Variants in SLC29A3 observed in about 807,000 individuals in gnomAD.
The protein encoded by SLC29A3 is equilibrative nucleoside transporter 3.
SLC29A3 carries 18 observed loss-of-function variants against 25.4 expected under a neutral mutation model. That is an observed-to-expected ratio of 0.71 (90% CI 0.49 to 1.05). The LOEUF is 1.05. Among genes scored for constraint, SLC29A3 ranks in the 50% least tolerant of loss-of-function variants. The pLI, the probability that SLC29A3 is intolerant of heterozygous loss-of-function variation, is 0.00. For synonymous variants in SLC29A3, 258 were observed against 267.1 expected, an observed-to-expected ratio of 0.97 and a Z score of 0.33; for missense variants, 586 against 609.0, an observed-to-expected ratio of 0.96 and a Z score of 0.40.
intron 1 of SLC29A3, 140 bp downstream of exon 1, chr10:71,319,450 C>G: frequency 2.2e-6 from 1 of 461,172 alleles, no homozygotes; most frequent in Non-Finnish European, 3.8e-6. Context: ...TCCGTGGTCC[C>G]TTCCCCACCG....
chr10:71,364,908 C>G (rs796134344), downstream of SLC29A3: 3 of 152,350 alleles, frequency 2.0e-5, 1 homozygote, highest in African/African-American at 7.2e-5. Context: ...TAGCTGGTGA[C>G]TCATCTCAAC....
chr10:71,330,266 A>G (rs531142438), intron 2 of SLC29A3, among the ~76,000 whole-genome samples: 3 of 152,312 alleles, frequency 2.0e-5, no homozygotes, highest in Non-Finnish European at 2.9e-5. Context: ...GATAGGGCCA[A>G]CTGGGCTCAA....
chr10:71,368,970 A>G (rs1208124295), intron 3 of SLC29A3, among the ~76,000 whole-genome samples: 9 of 152,172 alleles, frequency 5.9e-5, no homozygotes, highest in Non-Finnish European at 1.3e-4. Flanking sequence ...CCCCAAATTC[A>G]CATGTTCCAA....
At chr10:71,320,695 G>T (rs924714362) in intron 1 of SLC29A3, among the ~76,000 whole-genome samples, 1 of 152,208 alleles carries the variant, frequency 6.6e-6, no homozygotes, top group Admixed American at 6.5e-5. Context: ...TTGCACTTGG[G>T]CATCCAGTGG....
At chr10:71,353,928 A>AAG (rs545895361) in intron 4 of SLC29A3, among the ~76,000 whole-genome samples, 3 of 152,136 alleles carry the variant, frequency 2.0e-5, no homozygotes, top group Non-Finnish European at 2.9e-5. Flanking sequence ...ACAAGTTGGA[A>AAG]AGAGAGAGAG....
chr10:71,347,388 T>C (rs1564535711), intron 3 of SLC29A3, among the ~76,000 whole-genome samples: 1 of 152,160 alleles, frequency 6.6e-6, no homozygotes, highest in Non-Finnish European at 1.5e-5. Context: ...GACTGAGACC[T>C]GCCCCAGGGT....
intron 3 of SLC29A3, among the ~76,000 whole-genome samples, chr10:71,347,733 GA>G (rs1314596027): frequency 6.6e-6 from 1 of 152,184 alleles, no homozygotes; most frequent in African/African-American, 2.4e-5. Flanking sequence ...CATGTAGGGG[GA>G]CAGAGGAGGG....
At chr10:71,369,111 C>T (rs909761407) in intron 3 of SLC29A3, among the ~76,000 whole-genome samples, 1 of 152,206 alleles carries the variant, frequency 6.6e-6, no homozygotes, top group Admixed American at 6.5e-5. Context: ...ACCCCTGTGC[C>T]GTGTGAGAAC....
At chr10:71,368,184 T>G (rs1847185007), downstream of SLC29A3, among the ~76,000 whole-genome samples, 2 of 152,052 alleles carry the variant, frequency 1.3e-5, no homozygotes, top group African/African-American at 4.8e-5. Context: ...GAGCTAGAAT[T>G]GCACCACTGC....
exon 5 of SLC29A3, chr10:71,379,796 G>A (rs1291300218): frequency 1.3e-5 from 2 of 152,168 alleles, no homozygotes; most frequent in Non-Finnish European, 2.9e-5. Flanking sequence ...GAGTGCTATA[G>A]GCTGGACACT....
rs370631755 is a variant in SLC29A3 at position 71,361,978 on chromosome 10, G to A, written c.798G>A (p.Ala266=). The A allele has an allele frequency of 2.8e-5, 45 of 1,614,018 alleles. No individual in the cohort carries two copies. Among genetic ancestry groups the A allele is most frequent in the African/African-American group, 1.3e-4 (10 of 74,978 alleles). ...YARYYMRPVL[A]AHVFSGEEEL... ...GGTACTACATGAGGCCTGTTCTTGCGGCCCATGTGTTTTCTGGTGAAGAGG... is the reference window on the plus strand; with the variant it reads ...GGTACTACATGAGGCCTGTTCTTGCAGCCCATGTGTTTTCTGGTGAAGAGG... Residue 266 remains alanine, a synonymous_variant, in exon 6 of 6, where the codon GCG becomes GCA. Transcript: ENST00000373189.
chr10:71,376,133 T>A (rs975825360), intron 4 of SLC29A3, among the ~76,000 whole-genome samples: 1 of 152,218 alleles, frequency 6.6e-6, no homozygotes, highest in African/African-American at 2.4e-5. Flanking sequence ...GGAAACAAAC[T>A]CCAGATTGTT....
At position 71,319,302 on chromosome 10, in the gene SLC29A3, G is replaced by A. The variant is rs977525852; in HGVS notation, c.-8G>A. On this transcript the variant is annotated 5_prime_UTR_variant, in exon 1 of 6. Coordinates refer to ENST00000373189, the MANE Select transcript of SLC29A3 (RefSeq NM_018344.6). ...CCGGAGGCAGCGGCGGCGTGGCGCA[G>A]CGGCGACAGTAAGTGCGGGCCGGCT... 7.7e-6 allele frequency: 5 copies of A among 645,290 alleles called. No individual in the cohort carries two copies. The highest frequency in any genetic ancestry group is 1.4e-5 in the Non-Finnish European group (5 of 359,526). 40.0% of individuals were successfully genotyped at this position (645,290 alleles called of 1,614,324 possible).
chr10:71,340,625 G>A (rs1189402700), intron 2 of SLC29A3, among the ~76,000 whole-genome samples: 3 of 152,246 alleles, frequency 2.0e-5, no homozygotes. Context: ...CCATTCATTA[G>A]ATGGATGGAT....
At position 71,357,774 on chromosome 10, in the gene SLC29A3, G is replaced by T. The variant is rs767230300; in HGVS notation, c.773+1531G>T. Among the ~76,000 whole-genome samples, 20 of 152,090 alleles carry T rather than the reference G, an allele frequency of 1.3e-4. 1 individual carries two copies. The highest frequency in any genetic ancestry group is 9.2e-4 in the Admixed American group (14 of 15,256). Reference sequence around the variant, plus strand: ...GCCTGCTGCTTTTTATAAAAACAACGCTTGTCTTTCTCTCGTGTTTTATTC... The same window carrying T: ...GCCTGCTGCTTTTTATAAAAACAACTCTTGTCTTTCTCTCGTGTTTTATTC... On this transcript the variant is annotated intron_variant, in intron 5 of 5. Transcript: ENST00000373189.
intron 3 of SLC29A3, among the ~76,000 whole-genome samples, chr10:71,348,080 G>A (rs1011121891): frequency 6.6e-5 from 10 of 152,168 alleles, no homozygotes; most frequent in African/African-American, 2.2e-4. Flanking sequence ...GCAGACAGCC[G>A]CTGGGAGGTT....
intron 2 of SLC29A3, among the ~76,000 whole-genome samples, chr10:71,336,739 G>C (rs181647173): frequency 3.3e-5 from 5 of 152,040 alleles, no homozygotes; most frequent in African/African-American, 1.2e-4. Context: ...TTTTTGCGGA[G>C]TGGAAAGGAG....
intron 4 of SLC29A3, among the ~76,000 whole-genome samples, chr10:71,377,415 C>T (rs535597121): frequency 1.6e-4 from 25 of 152,230 alleles, no homozygotes; most frequent in Non-Finnish European, 3.1e-4. Flanking sequence ...CTCCTAGAGC[C>T]AGGGACTGGA....
chr10:71,349,736 C>T (rs1296605793), intron 3 of SLC29A3, among the ~76,000 whole-genome samples: 3 of 152,216 alleles, frequency 2.0e-5, no homozygotes, highest in Non-Finnish European at 2.9e-5. Flanking sequence ...CTCCTCTGCT[C>T]GCATCTTGAC....
Sources: gnomAD v4.1 joint callset for allele counts (sites outside exome capture counted in the v4.1 genomes callset) on GRCh38, gnomAD v4.1.1 for gene constraint, MANE v1.5 for transcripts, NCBI Gene and HGNC (gene_info 2026-07-23, HGNC 2026-07-21) for gene names.